CDCP1: variants seen among roughly 807,000 people sequenced by gnomAD.
CDCP1 encodes CUB domain containing protein 1.
In CDCP1, 29 loss-of-function variants were observed where a neutral mutation model predicts 60.2. That is an observed-to-expected ratio of 0.48 (90% CI 0.36 to 0.66). CDCP1 has a LOEUF of 0.66. CDCP1 is among the 30% of genes least tolerant of loss of function. The pLI is 0.00. For synonymous variants in CDCP1, 387 were observed against 431.1 expected (o/e 0.90, Z 1.27); for missense variants, 876 against 1,074.3 (o/e 0.82, Z 2.58).
At chr3:45,132,800 C>T (rs1402835115) in intron 1 of CDCP1, among the ~76,000 whole-genome samples, 1 of 152,208 alleles carries the variant, frequency 6.6e-6, no homozygotes, top group Non-Finnish European at 1.5e-5. Flanking sequence ...ACCATTCCGA[C>T]AGAGGGGGCA....
intron 1 of CDCP1, among the ~76,000 whole-genome samples, chr3:45,124,676 C>G (rs1698946100): frequency 6.6e-6 from 1 of 152,172 alleles, no homozygotes; most frequent in Non-Finnish European, 1.5e-5. Context: ...CTGGTGTTTC[C>G]TCCATCCATG....
chr3:45,133,758 C>T (rs1699145416), intron 1 of CDCP1, among the ~76,000 whole-genome samples: 1 of 151,342 alleles, frequency 6.6e-6, no homozygotes, highest in African/African-American at 2.4e-5. Context: ...TAGCAGCCCT[C>T]CAAGACAGAA....
intron 4 of CDCP1, among the ~76,000 whole-genome samples, chr3:45,106,896 A>T (rs555919471): frequency 1.3e-5 from 2 of 152,186 alleles, no homozygotes; most frequent in Non-Finnish European, 2.9e-5. Flanking sequence ...AGTCACCTTG[A>T]GGCCCCTCTC....
Position 45,128,469 on chromosome 3 carries a change from G to A in CDCP1, c.83-9848C>T, listed in dbSNP as rs534291735. 7.2e-5 allele frequency among the ~76,000 whole-genome samples: 11 copies of A among 152,334 alleles called. No homozygotes were observed. In the South Asian group the frequency reaches 2.3e-3, roughly 32 times the overall value. ...GAGACATCAGGGTCCCACCCCCTCA[G>A]TGAGAGAGACACAAAGTTCCCATTA... On this transcript the variant is annotated intron_variant, in intron 1 of 8. Transcript: ENST00000296129.
At position 45,108,724 on chromosome 3, in the gene CDCP1, C is replaced by CAT. The variant is rs72094122; in HGVS notation, c.1024+1747_1024+1748dup. Among the ~76,000 whole-genome samples the CAT allele has an allele frequency of 3.8e-4, 41 of 109,318 alleles. 4 individuals are homozygous for CAT. Among genetic ancestry groups the CAT allele is most frequent in the African/African-American group, 8.4e-4 (28 of 33,464 alleles). The allele number at this position is 109,318 out of a possible 152,430, so 71.7% of individuals were successfully genotyped here. ...GTATACATATATATATGCATGTATA[C>CAT]ATATATATATGCATGTATACATATA... On this transcript the variant is annotated intron_variant, in intron 4 of 8. Transcript: ENST00000296129.
At chr3:45,123,948 A>G (rs942278392) in intron 1 of CDCP1, among the ~76,000 whole-genome samples, 1 of 152,138 alleles carries the variant, frequency 6.6e-6, no homozygotes, top group African/African-American at 2.4e-5. Context: ...GGCATTTGGA[A>G]AAGCTTACAA....
intron 1 of CDCP1, among the ~76,000 whole-genome samples, chr3:45,121,062 A>C (rs904136427): frequency 3.9e-5 from 6 of 152,200 alleles, no homozygotes; most frequent in South Asian, 2.1e-4. Flanking sequence ...TTTAAGCCCC[A>C]AAACAACTCC....
chr3:45,146,439 G>C (rs1322746155), upstream of CDCP1: 3 of 567,898 alleles, frequency 5.3e-6, no homozygotes, highest in Middle Eastern at 9.0e-4. Context: ...GCAGGATCGC[G>C]AGCTGACCCG....
intron 4 of CDCP1, among the ~76,000 whole-genome samples, chr3:45,104,637 A>C (rs1293076118): frequency 6.6e-6 from 1 of 152,194 alleles, no homozygotes; most frequent in African/African-American, 2.4e-5. Flanking sequence ...TTTACAGCTG[A>C]GAAGGTTGCA....
intron 1 of CDCP1, among the ~76,000 whole-genome samples, chr3:45,123,073 A>G (rs1698914842): frequency 6.6e-6 from 1 of 151,488 alleles, no homozygotes; most frequent in African/African-American, 2.4e-5. Context: ...TGGAGAGCCC[A>G]TTGTTCCAAC....
intron 1 of CDCP1, among the ~76,000 whole-genome samples, chr3:45,142,780 A>G (rs1249062860): frequency 3.3e-5 from 5 of 151,068 alleles, no homozygotes; most frequent in African/African-American, 4.9e-5. Flanking sequence ...AGACCTAAGA[A>G]CCTCTCTACT....
chr3:45,112,546 TC>T lies in CDCP1; in HGVS notation c.293-102del, dbSNP rs990917874. 8.0e-6 allele frequency: 12 copies of T among 1,492,624 alleles called. No homozygotes were observed. The African/African-American group carries it at 1.4e-4, about 17-fold the overall frequency. The allele number at this position is 1,492,624 out of a possible 1,614,324, so 92.5% of individuals were successfully genotyped here. A position where few individuals can be genotyped will look rare whatever the true frequency, so the allele number is the denominator to read the frequency against. On this transcript the variant is annotated intron_variant, in intron 2 of 8. Coordinates refer to ENST00000296129, the MANE Select transcript of CDCP1 (RefSeq NM_022842.5). ...CCCCCTGTAGTAGACTCTTTGGGGC[TC>T]CCCCAAGGTGGCCTTTACCAGGCAG...
At chr3:45,095,225 T>C (rs1698377673) in intron 5 of CDCP1, 122 bp downstream of exon 5, 1 of 862,672 alleles carries the variant, frequency 1.2e-6, no homozygotes, top group African/African-American at 1.7e-5. Flanking sequence ...TGAGCCATCG[T>C]GCCCGGCCAG....
chr3:45,090,572 T>C (rs1698276966), intron 7 of CDCP1, among the ~76,000 whole-genome samples: 1 of 152,228 alleles, frequency 6.6e-6, no homozygotes, highest in Non-Finnish European at 1.5e-5. Flanking sequence ...AGGAAGATCA[T>C]AGGTGTGAAG....
Position 45,085,610 on chromosome 3 carries a change from C to T in CDCP1, c.*28G>A, listed in dbSNP as rs752156414. ...TGTCTCAGTGCCCTGCTTTATGAAA[C>T]TCAGCAAAGCGTCTGGAATGGATCA... On this transcript the variant is annotated 3_prime_UTR_variant, in exon 9 of 9. Transcript: ENST00000296129. The surrounding 1 kb of genome is among the most constrained non-coding windows in gnomAD (Gnocchi z 4.2). The T allele has an allele frequency of 1.3e-6, 2 of 1,579,712 alleles. No homozygotes were observed. The highest frequency in any genetic ancestry group is 2.3e-5 in the East Asian group (1 of 44,412).
intron 4 of CDCP1, among the ~76,000 whole-genome samples, chr3:45,107,623 C>A (rs1166757767): frequency 6.6e-6 from 1 of 152,168 alleles, no homozygotes; most frequent in Non-Finnish European, 1.5e-5. Context: ...CCTCACAACA[C>A]CCCGATGAGG....
rs563724182 is a variant in CDCP1, at chr3:45,112,189, C to G, written c.549G>C (p.Val183=). 24 of 1,614,170 alleles carry G rather than the reference C, an allele frequency of 1.5e-5. No homozygotes were observed. The South Asian group carries it at 2.5e-4, about 17-fold the overall frequency. ...RIGTFCSNGT[V]SRIKMQEGVK... ...CTCCTTCTTGCATCTTGATCCGGGACACAGTGCCATTGCTGCAGAAGGTTC... is the reference window on the plus strand; with the variant it reads ...CTCCTTCTTGCATCTTGATCCGGGAGACAGTGCCATTGCTGCAGAAGGTTC... Residue 183 remains valine, a synonymous_variant, in exon 3 of 9, where the codon GTG becomes GTC. Coordinates refer to ENST00000296129, the MANE Select transcript of CDCP1 (RefSeq NM_022842.5).
intron 4 of CDCP1, among the ~76,000 whole-genome samples, chr3:45,105,477 C>T (rs973048520): frequency 3.3e-5 from 5 of 152,180 alleles, no homozygotes; most frequent in Non-Finnish European, 7.3e-5. Flanking sequence ...GTTAACAAAG[C>T]GTCCTGTGTA....
chr3:45,112,453 A>G lies in CDCP1; in HGVS notation c.293-8T>C. 6.2e-7 allele frequency: 1 copy of G among 1,608,214 alleles called. No homozygotes were observed. The highest frequency in any genetic ancestry group is 8.5e-7 in the Non-Finnish European group (1 of 1,175,858). ...ATGGGCCTGACATACAGTCTGAAAA[A>G]CAGTCACAGAAGCAATTTTGATCAC... is the stretch of plus-strand genomic sequence containing the variant. On this transcript the variant is annotated splice_polypyrimidine_tract_variant and splice_region_variant and intron_variant, in intron 2 of 8. Coordinates refer to ENST00000296129, the MANE Select transcript of CDCP1 (RefSeq NM_022842.5).
Sources: allele counts gnomAD v4.1 joint callset (sites outside exome capture counted in the v4.1 genomes callset), GRCh38; gene constraint gnomAD v4.1.1; non-coding constraint Gnocchi (gnomAD v3.1); transcripts MANE v1.5; gene names NCBI Gene and HGNC (gene_info 2026-07-23, HGNC 2026-07-21).